PARVA: variants seen among roughly 807,000 people sequenced by gnomAD.
The protein encoded by PARVA is parvin alpha.
A neutral mutation model predicts 52.6 loss-of-function variants in PARVA; 25 were observed. The observed-to-expected ratio is 0.48, with a 90% confidence interval of 0.35 to 0.66. The LOEUF is 0.66. PARVA is among the 30% of genes least tolerant of loss of function. PARVA has a pLI of 0.01. For synonymous variants in PARVA, 185 were observed against 179.1 expected (o/e 1.03, Z -0.26); for missense variants, 373 against 450.9 (o/e 0.83, Z 1.56).
chr11:12,411,472 A>G (rs543580493), intron 1 of PARVA, among the ~76,000 whole-genome samples: 2 of 152,314 alleles, frequency 1.3e-5, no homozygotes, highest in East Asian at 1.9e-4. Flanking sequence ...TTTCCCTAAT[A>G]GATTTCTTTT....
intron 1 of PARVA, among the ~76,000 whole-genome samples, chr11:12,444,087 A>G (rs1242019025): frequency 6.6e-6 from 1 of 151,884 alleles, no homozygotes; most frequent in Non-Finnish European, 1.5e-5. Context: ...GCAGCTTCCT[A>G]CCCACCCCCT....
chr11:12,384,600 G>A (rs1358868906), intron 1 of PARVA, among the ~76,000 whole-genome samples: 2 of 152,216 alleles, frequency 1.3e-5, no homozygotes, highest in Non-Finnish European at 2.9e-5. Flanking sequence ...GATGGCTAGA[G>A]AAGGCCTCAC....
intron 1 of PARVA, among the ~76,000 whole-genome samples, chr11:12,459,713 G>GA (rs1388528172): frequency 3.9e-5 from 6 of 152,160 alleles, no homozygotes; most frequent in Middle Eastern, 3.4e-3. Flanking sequence ...TATATGACAT[G>GA]AAAAAAGCAG....
intron 1 of PARVA, among the ~76,000 whole-genome samples, chr11:12,439,124 C>G (rs1476235842): frequency 6.6e-6 from 1 of 152,162 alleles, no homozygotes; most frequent in Non-Finnish European, 1.5e-5. Context: ...GAGGAGACCA[C>G]TAGTTCTGAT....
intron 4 of PARVA, among the ~76,000 whole-genome samples, chr11:12,485,934 A>C (rs1353062172): frequency 6.6e-6 from 1 of 152,216 alleles, no homozygotes; most frequent in African/African-American, 2.4e-5. Context: ...CATGGTAAAA[A>C]CAATGCAAGT....
Position 12,534,043 on chromosome 11 carries a change from C to T in PARVA, c.*6118C>T, listed in dbSNP as rs944773702. On this transcript the variant is annotated 3_prime_UTR_variant, in exon 13 of 13. Coordinates refer to ENST00000334956, the MANE Select transcript of PARVA (RefSeq NM_018222.5). ...ATTAGCCAGGTGTGGTGGTGCGTGC[C>T]TGTAATCCCAGCTACTCAGGGGGCT... Among the ~76,000 whole-genome samples the T allele has an allele frequency of 6.6e-6, 1 of 152,100 alleles. No individual in the cohort carries two copies. Among genetic ancestry groups the T allele is most frequent in the Admixed American group, 6.6e-5 (1 of 15,264 alleles).
intron 7 of PARVA, among the ~76,000 whole-genome samples, chr11:12,509,974 C>T (rs1479935508): frequency 6.6e-6 from 1 of 152,150 alleles, no homozygotes; most frequent in African/African-American, 2.4e-5. Flanking sequence ...AACTCCCAAA[C>T]CAGGGAGTGT....
chr11:12,502,686 A>G (rs1941378820), intron 5 of PARVA, among the ~76,000 whole-genome samples: 1 of 152,210 alleles, frequency 6.6e-6, no homozygotes, highest in Non-Finnish European at 1.5e-5. Flanking sequence ...ATAGGGGCAC[A>G]CAAATGTTCA....
At chr11:12,396,407 A>C (rs1006857095) in intron 1 of PARVA, among the ~76,000 whole-genome samples, 1 of 152,186 alleles carries the variant, frequency 6.6e-6, no homozygotes, top group African/African-American at 2.4e-5. Flanking sequence ...GTTGATTGTG[A>C]GGCAAGCCTG....
chr11:12,420,956 G>A (rs1940140224), intron 1 of PARVA, among the ~76,000 whole-genome samples: 1 of 151,796 alleles, frequency 6.6e-6, no homozygotes, highest in African/African-American at 2.4e-5. Context: ...TTAAATTCCT[G>A]GATCCTTCAA....
intron 1 of PARVA, among the ~76,000 whole-genome samples, chr11:12,441,630 T>TG (rs1323708898): frequency 4.6e-5 from 7 of 151,834 alleles, no homozygotes; most frequent in Non-Finnish European, 4.4e-5. Flanking sequence ...GGTTTGAGAA[T>TG]GAAAAAAAAA....
intron 1 of PARVA, among the ~76,000 whole-genome samples, chr11:12,442,284 G>T (rs898876540): frequency 6.6e-6 from 1 of 152,240 alleles, no homozygotes; most frequent in Admixed American, 6.5e-5. Context: ...ATCAAATGGA[G>T]ATCACAATAC....
At chr11:12,378,746 C>T (rs1397762397) in intron 1 of PARVA, among the ~76,000 whole-genome samples, 1 of 151,958 alleles carries the variant, frequency 6.6e-6, no homozygotes, top group Non-Finnish European at 1.5e-5. Context: ...TTGTTTTAAA[C>T]ATTTTTTAGT....
chr11:12,383,242 T>C (rs896123778), intron 1 of PARVA, among the ~76,000 whole-genome samples: 2 of 152,206 alleles, frequency 1.3e-5, no homozygotes, highest in Non-Finnish European at 1.5e-5. Flanking sequence ...GTGTGGATTC[T>C]TTCACTGCCC....
At chr11:12,376,871 C>T, upstream of PARVA, 1 of 290,772 alleles carries the variant, frequency 3.4e-6, no homozygotes, top group Non-Finnish European at 5.1e-6. Context: ...ATAAATTTTG[C>T]GGGAAGTCCT....
At chr11:12,505,044 T>G (rs1941417269) in intron 6 of PARVA, among the ~76,000 whole-genome samples, 1 of 152,178 alleles carries the variant, frequency 6.6e-6, no homozygotes, top group Non-Finnish European at 1.5e-5. Flanking sequence ...GGATGGAATT[T>G]CCATTCACAT....
intron 1 of PARVA, among the ~76,000 whole-genome samples, chr11:12,378,441 TA>T (rs1477185879): frequency 6.6e-6 from 1 of 152,144 alleles, no homozygotes; most frequent in Admixed American, 6.5e-5. Flanking sequence ...TAATACACAA[TA>T]AACTCCCACC....
intron 1 of PARVA, among the ~76,000 whole-genome samples, chr11:12,454,352 T>G (rs947511483): frequency 4.6e-5 from 7 of 152,248 alleles, no homozygotes; most frequent in Admixed American, 4.6e-4. Context: ...ATTTGTTGAC[T>G]TTCCTTAGGG....
intron 1 of PARVA, among the ~76,000 whole-genome samples, chr11:12,386,428 C>T (rs777016930): frequency 1.3e-5 from 2 of 152,198 alleles, no homozygotes; most frequent in Non-Finnish European, 1.5e-5. Context: ...CTCAGAAGTC[C>T]TCTTCTGCAT....
Sources: gnomAD v4.1 joint callset for allele counts (sites outside exome capture counted in the v4.1 genomes callset) on GRCh38, gnomAD v4.1.1 for gene constraint, MANE v1.5 for transcripts, NCBI Gene and HGNC (gene_info 2026-07-23, HGNC 2026-07-21) for gene names.